Variants in SLC23A3 observed in about 807,000 individuals in gnomAD.
SLC23A3 encodes the protein solute carrier family 23 member 3.
A neutral mutation model predicts 64.7 loss-of-function variants in SLC23A3; 41 were observed. The ratio of observed to expected loss-of-function variants is 0.63; its 90% CI spans 0.49 to 0.82. SLC23A3 has a LOEUF of 0.82. SLC23A3 is among the 40% of genes least tolerant of loss of function. SLC23A3 has a pLI of 0.00. For synonymous variants in SLC23A3, 281 were observed against 306.8 expected, an observed-to-expected ratio of 0.92 and a Z score of 0.88; for missense variants, 647 against 733.4, an observed-to-expected ratio of 0.88 and a Z score of 1.36.
chr2:219,169,857 A>T lies in SLC23A3; in HGVS notation c.128T>A (p.Leu43Gln), dbSNP rs200653340. The change falls in exon 1 of 12, where the codon CTG becomes CAG. Residue 43 changes from leucine to glutamine, a missense_variant. Transcript: ENST00000409878. The surrounding 1 kb of genome is among the most constrained non-coding windows in gnomAD (Gnocchi z 4.5). Reference sequence around the variant, plus strand: ...CAGAAGACAGCTGAGGCCCCAAGGCAGAGATCCACACAAAGGGTCCCAAGA... The same window carrying T: ...CAGAAGACAGCTGAGGCCCCAAGGCTGAGATCCACACAAAGGGTCCCAAGA... ...THSWDPLCGSLPWGLSCLLAL... is the reference protein window; with the variant it reads ...THSWDPLCGSQPWGLSCLLAL... 20 of 1,604,720 alleles carry T rather than the reference A, an allele frequency of 1.2e-5. No homozygotes were observed. The highest frequency in any genetic ancestry group is 1.6e-5 in the Non-Finnish European group (19 of 1,175,994).
At chr2:219,165,031 C>G in intron 8 of SLC23A3, 138 bp downstream of exon 8, 1 of 1,192,744 alleles carries the variant, frequency 8.4e-7, no homozygotes, top group Middle Eastern at 2.0e-4. Context: ...AGCCCAAAGT[C>G]TAATCTTAGG....
At chr2:219,163,754 G>A (rs1464714069) in intron 9 of SLC23A3, among the ~76,000 whole-genome samples, 199 bp from the exon 10 acceptor site, 2 of 151,980 alleles carry the variant, frequency 1.3e-5, no homozygotes, top group African/African-American at 4.8e-5. Flanking sequence ...GAGTGCAGTG[G>A]TGCAATCTCG....
At position 219,161,833 on chromosome 2, in the gene SLC23A3, A is replaced by G; in HGVS notation, c.*76T>C. 1 of 1,458,312 alleles carries G rather than the reference A, an allele frequency of 6.9e-7. No individual in the cohort carries two copies. The highest frequency in any genetic ancestry group is 9.2e-7 in the Non-Finnish European group (1 of 1,082,256). The allele number at this position is 1,458,312 out of a possible 1,614,324, so 90.3% of individuals were successfully genotyped here. On this transcript the variant is annotated 3_prime_UTR_variant, in exon 12 of 12. Coordinates refer to ENST00000409878, the MANE Select transcript of SLC23A3 (RefSeq NM_001144889.2). ...CACACATATCCTCTGCCTACAAGAA[A>G]GAACAGTTTGGGAGCTGACTCTCCA...
At position 219,168,175 on chromosome 2, in the gene SLC23A3, C is replaced by T. The variant is rs1374505976; in HGVS notation, c.798+20G>A. ...GCCAGCCCTTCTGACCTCTACTGCC[C>T]TGCCCAGACCCACACATACCGAAAG... On this transcript the variant is annotated intron_variant, in intron 6 of 11. Coordinates refer to ENST00000409878, the MANE Select transcript of SLC23A3 (RefSeq NM_001144889.2). 6.2e-7 allele frequency: 1 copy of T among 1,612,774 alleles called. No individual in the cohort carries two copies. The highest frequency in any genetic ancestry group is 1.7e-5 in the Admixed American group (1 of 59,912).
At position 219,169,038 on chromosome 2, in the gene SLC23A3, A is replaced by T. The variant is rs746291689; in HGVS notation, c.483T>A (p.Ser161=). Residue 161 remains serine, a synonymous_variant, in exon 4 of 12, where the codon TCT becomes TCA. Transcript: ENST00000409878. The surrounding 1 kb of genome is among the most constrained non-coding windows in gnomAD (Gnocchi z 4.5). ...SCHGLGHWNT[S]LQEVSGAVVV... ...ACCTCCAGATACCCACCTCCTGGAG[A>T]GAAGTGTTCCAGTGCCCCAGGCCAT... 6.2e-7 allele frequency: 1 copy of T among 1,613,922 alleles called. No individual in the cohort carries two copies. Among genetic ancestry groups the T allele is most frequent in the Non-Finnish European group, 8.5e-7 (1 of 1,179,838 alleles).
chr2:219,164,403 A>T lies in SLC23A3; in HGVS notation c.1168-65T>A, dbSNP rs1262572225. 4 of 1,072,468 alleles carry T rather than the reference A, an allele frequency of 3.7e-6. No individual in the cohort carries two copies. In the African/African-American group the frequency reaches 4.7e-5, roughly 13 times the overall value. 66.4% of individuals were successfully genotyped at this position (1,072,468 alleles called of 1,614,324 possible). A position where few individuals can be genotyped will look rare whatever the true frequency, so the allele number is the denominator to read the frequency against. ...TCAGACTGTCCCAGGTCTTTGCCTT[A>T]CTGGTTCCTTCTCATCATTTGGATC... On this transcript the variant is annotated intron_variant, in intron 8 of 11. Coordinates refer to ENST00000409878, the MANE Select transcript of SLC23A3 (RefSeq NM_001144889.2).
In SLC23A3 at chr2:219,169,804, C is replaced by A; in HGVS notation, c.162+19G>T. ...ACACACCATCAGGCAGCACCAACTCCTGCACCTCTGCCTCCTACCTGCAGA... is the reference window on the plus strand; with the variant it reads ...ACACACCATCAGGCAGCACCAACTCATGCACCTCTGCCTCCTACCTGCAGA... On this transcript the variant is annotated intron_variant, in intron 1 of 11. Transcript: ENST00000409878. This position sits in a 1 kb window ranked among gnomAD's most constrained non-coding sequence, Gnocchi z 4.5. 1 of 1,613,704 alleles carries A rather than the reference C, an allele frequency of 6.2e-7. No individual in the cohort carries two copies. Among genetic ancestry groups the A allele is most frequent in the Non-Finnish European group, 8.5e-7 (1 of 1,179,860 alleles).
chr2:219,164,975 C>T (rs2106376884), intron 8 of SLC23A3, 194 bp downstream of exon 8: 1 of 680,228 alleles, frequency 1.5e-6, no homozygotes, highest in East Asian at 2.9e-5. Flanking sequence ...TACAGTGCCT[C>T]ATGCACAGGA....
rs1381977707 is a variant in SLC23A3, at chr2:219,165,395, G to T, written c.941C>A (p.Pro314His). ...GGAGATGCCTGCAGCCAGAGCTCTG[G>T]GCGTCAGCAAAGGCCAATTCCACTC... is the stretch of plus-strand genomic sequence containing the variant. ...PGEWNWPLLT[P>H]RALAAGISMA... The change falls in exon 8 of 12, where the codon CCC becomes CAC. Residue 314 changes from proline (P) to histidine (H), a missense_variant. Physicochemically the swap from Pro to His is moderately conservative, Grantham distance 77. Transcript: ENST00000409878. 6 of 1,550,774 alleles carry T rather than the reference G, an allele frequency of 3.9e-6. No individual in the cohort carries two copies. In the Admixed American group the frequency reaches 9.8e-5, roughly 25 times the overall value.
chr2:219,164,053 A>G (rs1949978178), intron 9 of SLC23A3, among the ~76,000 whole-genome samples, 180 bp downstream of exon 9: 1 of 152,200 alleles, frequency 6.6e-6, no homozygotes, highest in Non-Finnish European at 1.5e-5. Flanking sequence ...TCAAGAGAAG[A>G]CCAAAATGTT....
rs764056603 is a variant in SLC23A3, at chr2:219,162,329, A to G, written c.1507T>C (p.Ser503Pro). ...LTQPIFLAGLSGFLLENTIPG... is the reference protein window; with the variant it reads ...LTQPIFLAGLPGFLLENTIPG... The stretch of plus-strand genomic sequence containing the variant: ...ATCGTGTTCTCTAGTAGGAAGCCTG[A>G]GAGTCCAGCCAGGAAGATGGGCTGT... Residue 503 changes from serine to proline, a missense_variant, in exon 11 of 12, where the codon TCA becomes CCA. Ser to Pro is a moderately conservative substitution (Grantham distance 74). Coordinates refer to ENST00000409878, the MANE Select transcript of SLC23A3 (RefSeq NM_001144889.2). 6.9e-5 allele frequency: 112 copies of G among 1,614,126 alleles called. No individual in the cohort carries two copies. The highest frequency in any genetic ancestry group is 1.6e-4 in the Middle Eastern group (1 of 6,062).
chr2:219,162,475 C>T (rs1949958192), intron 10 of SLC23A3, 81 bp from the exon 11 acceptor site: 1 of 998,130 alleles, frequency 1.0e-6, no homozygotes, highest in Non-Finnish European at 1.6e-6. Context: ...CAGACCTAAA[C>T]CTAAGCCTTG....
At chr2:219,164,169 G>GAACT in intron 9 of SLC23A3, 64 bp downstream of exon 9, 1 of 1,132,496 alleles carries the variant, frequency 8.8e-7, no homozygotes, top group Non-Finnish European at 1.3e-6. Context: ...CCATCCTAAA[G>GAACT]AACTGATCAG....
At position 219,168,743 on chromosome 2, in the gene SLC23A3, G is replaced by A. The variant is rs376257339; in HGVS notation, c.583C>T (p.Leu195=). 3.1e-6 allele frequency: 5 copies of A among 1,613,182 alleles called. No individual in the cohort carries two copies. In the African/African-American group the frequency reaches 5.3e-5, roughly 17 times the overall value. ...PGHVFPHCGP[L]VLAPSLVVAG... ...ACAACCAGGCTGGGAGCCAGCACCA[G>A]GGGCCCACAGTGGGGGAACACGTGG... The change falls in exon 5 of 12, where the codon CTG becomes TTG. Residue 195 remains leucine (L), a synonymous_variant. Transcript: ENST00000409878.
intron 10 of SLC23A3, 121 bp from the exon 11 acceptor site, chr2:219,162,515 T>A (rs1310385340): frequency 1.4e-6 from 1 of 710,340 alleles, no homozygotes; most frequent in Non-Finnish European, 2.4e-6. Flanking sequence ...TGAATTGTCA[T>A]TTCATCCCTC....
rs528184231 is a variant in SLC23A3 at position 219,165,572 on chromosome 2, C to T, written c.914-150G>A. The T allele has an allele frequency of 5.8e-5, 57 of 989,498 alleles. No individual in the cohort carries two copies. The Admixed American group carries it at 7.7e-4, about 13-fold the overall frequency. The allele number at this position is 989,498 out of a possible 1,614,324, so 61.3% of individuals were successfully genotyped here. ...AACTACTGAACTCTAAGGAGAAAGA[C>T]CCATGCCTTTACCATGGTCTACAAG... On this transcript the variant is annotated intron_variant, in intron 7 of 11. Coordinates refer to ENST00000409878, the MANE Select transcript of SLC23A3 (RefSeq NM_001144889.2).
intron 4 of SLC23A3, 50 bp from the exon 5 acceptor site, chr2:219,168,883 C>G (rs968647383): frequency 6.4e-7 from 1 of 1,561,146 alleles, no homozygotes; most frequent in African/African-American, 1.4e-5. Context: ...CTCAATCAAA[C>G]TGGCCTCAGC....
chr2:219,168,495 G>C (rs1950026241), intron 5 of SLC23A3, 157 bp downstream of exon 5: 1 of 1,095,106 alleles, frequency 9.1e-7, no homozygotes. Context: ...AATTCAAGGA[G>C]ACCAGATGAA....
At position 219,161,748 on chromosome 2, in the gene SLC23A3, A is replaced by G. The variant is rs1297657617; in HGVS notation, c.*161T>C. The G allele has an allele frequency of 1.5e-6, 1 of 663,854 alleles. No individual in the cohort carries two copies. Among genetic ancestry groups the G allele is most frequent in the African/African-American group, 1.8e-5 (1 of 55,984 alleles). The allele number at this position is 663,854 out of a possible 1,614,324, so 41.1% of individuals were successfully genotyped here. A position where few individuals can be genotyped will look rare whatever the true frequency, so the allele number is the denominator to read the frequency against. On this transcript the variant is annotated 3_prime_UTR_variant, in exon 12 of 12. Coordinates refer to ENST00000409878, the MANE Select transcript of SLC23A3 (RefSeq NM_001144889.2). ...GGAACAGTTAGGCCTAATTAAGACA[A>G]GGAAAGGCAACCCACCCTATTGGGA...
Sources: allele counts gnomAD v4.1 joint callset (sites outside exome capture counted in the v4.1 genomes callset), GRCh38; gene constraint gnomAD v4.1.1; non-coding constraint Gnocchi (gnomAD v3.1); transcripts MANE v1.5; gene names NCBI Gene and HGNC (gene_info 2026-07-23, HGNC 2026-07-21).